ZSCAN20: variants seen among roughly 807,000 people sequenced by gnomAD.
The protein encoded by ZSCAN20 is zinc finger and SCAN domain containing 20.
A neutral mutation model predicts 97.1 loss-of-function variants in ZSCAN20; 39 were observed. The observed-to-expected ratio is 0.40, with a 90% CI of 0.31 to 0.52. The LOEUF is 0.52. ZSCAN20 is among the 20% of genes least tolerant of loss of function. The pLI is 0.49. For missense variants in ZSCAN20, 1,115 were observed against 1,290.4 expected, an observed-to-expected ratio of 0.86 and a Z score of 2.08; for synonymous variants, 456 against 467.3, an observed-to-expected ratio of 0.98 and a Z score of 0.31.
chr1:33,479,507 G>A lies in ZSCAN20; in HGVS notation c.219G>A (p.Trp73Ter), dbSNP rs1206837292. 1 of 1,613,382 alleles carries A rather than the reference G, an allele frequency of 6.2e-7. No individual in the cohort carries two copies. The highest frequency in any genetic ancestry group is 8.5e-7 in the Non-Finnish European group (1 of 1,179,582). ...CCCACGAGGCCTTCAGCCAGCTCTG[G>A]GCTCTCTGCTGTCGTTGGCTGAGGC... ...AGPHEAFSQL[W>*]ALCCRWLRPE... Residue 73 changes from tryptophan to a stop codon, truncating the protein, a stop_gained, in exon 2 of 8, where the codon TGG becomes TGA. Transcript: ENST00000684572. LOFTEE classifies it high-confidence loss of function.
In ZSCAN20 at chr1:33,479,645, T is replaced by C. The variant is rs181007238; in HGVS notation, c.357T>C (p.Gly119=). The change falls in exon 2 of 8, where the codon GGT becomes GGC. Residue 119 remains glycine, a synonymous_variant. Transcript: ENST00000684572. ...TGCAGGCACGCCACCCTGAGAGTGG[T>C]GAGGAGGCTGTGGCCTTGGTGGAGG... ...TWVQARHPES[G]EEAVALVEDW... 6.2e-7 allele frequency: 1 copy of C among 1,605,250 alleles called. No individual in the cohort carries two copies. The highest frequency in any genetic ancestry group is 2.2e-5 in the East Asian group (1 of 44,804).
In ZSCAN20 at chr1:33,493,209, G is replaced by A. The variant is rs759730932; in HGVS notation, c.1467G>A (p.Glu489=). The A allele has an allele frequency of 6.2e-7, 1 of 1,613,964 alleles. No homozygotes were observed. Among genetic ancestry groups the A allele is most frequent in the Admixed American group, 1.7e-5 (1 of 60,002 alleles). ...SRIAGVHWGY[E]ETKAFLAILS... is the part of the protein sequence containing the mutation. ...CAGCAGGTGTGCACTGGGGCTATGA[G>A]GAGACCAAGGCCTTCCTGGCAATTC... The change falls in exon 7 of 8, where the codon GAG becomes GAA. Residue 489 remains glutamate (E), a synonymous_variant. Coordinates refer to ENST00000684572, the MANE Select transcript of ZSCAN20 (RefSeq NM_001377376.1). The surrounding 1 kb of genome is among the most constrained non-coding windows in gnomAD (Gnocchi z 4.3).
At chr1:33,492,808 A>G (rs1652678460) in intron 6 of ZSCAN20, among the ~76,000 whole-genome samples, 1 of 151,734 alleles carries the variant, frequency 6.6e-6, no homozygotes, top group Non-Finnish European at 1.5e-5. Flanking sequence ...GAGAATTTAT[A>G]AAATAAATAG....
rs559907394 is a variant in ZSCAN20, at chr1:33,495,229, T to G, written c.2885T>G (p.Leu962Arg). The G allele has an allele frequency of 1.2e-6, 2 of 1,613,418 alleles. No homozygotes were observed. The highest frequency in any genetic ancestry group is 1.1e-5 in the South Asian group (1 of 91,010). Residue 962 changes from leucine (L) to arginine (R), a missense_variant, in exon 8 of 8, where the codon CTT becomes CGT. Physicochemically the swap from Leu to Arg is moderately radical, Grantham distance 102. Coordinates refer to ENST00000684572, the MANE Select transcript of ZSCAN20 (RefSeq NM_001377376.1). ...ACAGGAGAGAAGCCCTACAAATGCC[T>G]TGAGTGTGGAAAATTCTTCCGTGAC... ...VHTGEKPYKC[L>R]ECGKFFRDRS...
chr1:33,481,881 G>A (rs1023570621), intron 2 of ZSCAN20, among the ~76,000 whole-genome samples: 1 of 152,052 alleles, frequency 6.6e-6, no homozygotes, highest in Non-Finnish European at 1.5e-5. Flanking sequence ...TAAAAAACAG[G>A]CTTTATTTTT....
chr1:33,495,352 T>G lies in ZSCAN20; in HGVS notation c.3008T>G (p.Ile1003Ser), dbSNP rs1465923376. The G allele has an allele frequency of 9.3e-6, 15 of 1,612,838 alleles. No individual in the cohort carries two copies. The highest frequency in any genetic ancestry group is 1.2e-5 in the Non-Finnish European group (14 of 1,179,344). ...TGCTTTAACCAGAGCTCCAGTCTTA[T>G]TATTCACCAGAGAATCCACACAGGG... ...GKCFNQSSSL[I>S]IHQRIHTGEK... Residue 1003 changes from isoleucine (I) to serine (S), a missense_variant, in exon 8 of 8, where the codon ATT becomes AGT. This residue lies in a region of ZSCAN20 where 554 missense variants were observed against 584.9 expected (regional missense o/e 0.95). Transcript: ENST00000684572.
At position 33,478,973 on chromosome 1, in the gene ZSCAN20, C is replaced by A. The variant is rs147572514; in HGVS notation, c.-110-206C>A. ...TGGTCTAAGCTTTTTATATATAGATCCCTCATCTAATCAACCCAGCAGTCA... is the reference window on the plus strand; with the variant it reads ...TGGTCTAAGCTTTTTATATATAGATACCTCATCTAATCAACCCAGCAGTCA... On this transcript the variant is annotated intron_variant, in intron 1 of 7. Transcript: ENST00000684572. Among the ~76,000 whole-genome samples, 550 of 152,204 alleles carry A rather than the reference C, an allele frequency of 3.6e-3. 7 individuals are homozygous for A. Among genetic ancestry groups the A allele is most frequent in the African/African-American group, 0.013 (525 of 41,520 alleles).
At chr1:33,475,193 G>A (rs958923847) in intron 1 of ZSCAN20, among the ~76,000 whole-genome samples, 1 of 152,206 alleles carries the variant, frequency 6.6e-6, no homozygotes, top group African/African-American at 2.4e-5. Context: ...GGAGAAAAGG[G>A]ATCTCGGCTT....
rs1012596853 is a variant in ZSCAN20 at position 33,496,322 on chromosome 1, C to A, written c.*846C>A. 3.9e-5 allele frequency: 6 copies of A among 152,254 alleles called. No homozygotes were observed. Among genetic ancestry groups the A allele is most frequent in the South Asian group, 2.1e-4 (1 of 4,822 alleles). The allele number at this position is 152,254 out of a possible 1,614,324, so 9.4% of individuals were successfully genotyped here. A position where few individuals can be genotyped will look rare whatever the true frequency, so the allele number is the denominator to read the frequency against. On this transcript the variant is annotated 3_prime_UTR_variant, in exon 8 of 8. Transcript: ENST00000684572. ...GACCACATTTCCTGTTATGAAATTT[C>A]CACATTTTGAATTTTTTAAACAAAT... is the stretch of plus-strand genomic sequence containing the variant.
At chr1:33,483,528 T>C (rs1490576241) in intron 2 of ZSCAN20, among the ~76,000 whole-genome samples, 1 of 151,812 alleles carries the variant, frequency 6.6e-6, no homozygotes, top group African/African-American at 2.4e-5. Context: ...TTATTCCAGG[T>C]CTTTGCTTCT....
At chr1:33,479,778 T>G in intron 2 of ZSCAN20, 73 bp downstream of exon 2, 1 of 1,371,508 alleles carries the variant, frequency 7.3e-7, no homozygotes, top group Non-Finnish European at 9.7e-7. Context: ...CGTTAATAAT[T>G]GCCAAATTCA....
Position 33,493,729 on chromosome 1 carries a change from G to A in ZSCAN20, c.1873+114G>A. On this transcript the variant is annotated intron_variant, in intron 7 of 7. Coordinates refer to ENST00000684572, the MANE Select transcript of ZSCAN20 (RefSeq NM_001377376.1). This position sits in a 1 kb window ranked among gnomAD's most constrained non-coding sequence, Gnocchi z 4.3. ...TAAAAGAGAGAATGGGATTGAATGG[G>A]AAAAAGTATTTCTGCTTTGCTCAGA... 1.7e-6 allele frequency: 2 copies of A among 1,189,082 alleles called. No individual in the cohort carries two copies. The highest frequency in any genetic ancestry group is 2.3e-6 in the Non-Finnish European group (2 of 858,690). 73.7% of individuals were successfully genotyped at this position (1,189,082 alleles called of 1,614,324 possible).
rs527427594 is a variant in ZSCAN20, at chr1:33,484,024, C to T, written c.417+4319C>T. Among the ~76,000 whole-genome samples the T allele has an allele frequency of 5.3e-5, 8 of 152,230 alleles. No individual in the cohort carries two copies. The South Asian group carries it at 1.0e-3, about 20-fold the overall frequency. ...TGTTCATTGTTGGTATATAGGAAGG[C>T]GATTGACTTTTGCATATTTGCATAT... On this transcript the variant is annotated intron_variant, in intron 2 of 7. Transcript: ENST00000684572.
At position 33,493,169 on chromosome 1, in the gene ZSCAN20, A is replaced by T. The variant is rs1468820632; in HGVS notation, c.1445-18A>T. 5 of 1,608,960 alleles carry T rather than the reference A, an allele frequency of 3.1e-6. No homozygotes were observed. The highest frequency in any genetic ancestry group is 4.3e-6 in the Non-Finnish European group (5 of 1,176,350). On this transcript the variant is annotated intron_variant, in intron 6 of 7. Coordinates refer to ENST00000684572, the MANE Select transcript of ZSCAN20 (RefSeq NM_001377376.1). This position sits in a 1 kb window ranked among gnomAD's most constrained non-coding sequence, Gnocchi z 4.3. ...ATCTCATTAAGTCTCACAGTTCTCA[A>T]CTCTTCACTCCTGACAGCAGGTGTG...
At position 33,499,108 on chromosome 1, in the gene ZSCAN20, G is replaced by T. The variant is rs1652974448; in HGVS notation, c.*3632G>T. On this transcript the variant is annotated 3_prime_UTR_variant, in exon 8 of 8. Transcript: ENST00000684572. Reference sequence around the variant, plus strand: ...CCGTCCTGCCTCATCTTGTTCTGGGGCCCCCAGTGGGGATAGCTCTCTGCT... The same window carrying T: ...CCGTCCTGCCTCATCTTGTTCTGGGTCCCCCAGTGGGGATAGCTCTCTGCT... Among the ~76,000 whole-genome samples, 1 of 152,204 alleles carries T rather than the reference G, an allele frequency of 6.6e-6. No homozygotes were observed. Among genetic ancestry groups the T allele is most frequent in the Non-Finnish European group, 1.5e-5 (1 of 68,040 alleles).
chr1:33,479,669 G>A lies in ZSCAN20; in HGVS notation c.381G>A (p.Glu127=). 1.3e-6 allele frequency: 2 copies of A among 1,590,584 alleles called. No individual in the cohort carries two copies. The highest frequency in any genetic ancestry group is 1.7e-6 in the Non-Finnish European group (2 of 1,171,066). ...GTGAGGAGGCTGTGGCCTTGGTGGA[G>A]GATTGGCACCGAGAGACCAGGACTG... is the stretch of plus-strand genomic sequence containing the variant. ...ESGEEAVALV[E]DWHRETRTAG... The change falls in exon 2 of 8, where the codon GAG becomes GAA. Residue 127 remains glutamate, a synonymous_variant. Coordinates refer to ENST00000684572, the MANE Select transcript of ZSCAN20 (RefSeq NM_001377376.1).
intron 2 of ZSCAN20, among the ~76,000 whole-genome samples, chr1:33,480,346 A>G (rs956727451): frequency 6.6e-6 from 1 of 152,158 alleles, no homozygotes; most frequent in African/African-American, 2.4e-5. Context: ...CTGTCTCTAC[A>G]AAAAATACAA....
rs1557445694 is a variant in ZSCAN20, at chr1:33,493,722, T to C, written c.1873+107T>C. ...TCTTAACTAAAAGAGAGAATGGGAT[T>C]GAATGGGAAAAAGTATTTCTGCTTT... On this transcript the variant is annotated intron_variant, in intron 7 of 7. Coordinates refer to ENST00000684572, the MANE Select transcript of ZSCAN20 (RefSeq NM_001377376.1). This position sits in a 1 kb window ranked among gnomAD's most constrained non-coding sequence, Gnocchi z 4.3. The C allele has an allele frequency of 2.4e-6, 3 of 1,244,502 alleles. No individual in the cohort carries two copies. The highest frequency in any genetic ancestry group is 3.0e-5 in the African/African-American group (2 of 66,924). The allele number at this position is 1,244,502 out of a possible 1,614,324, so 77.1% of individuals were successfully genotyped here.
At position 33,500,036 on chromosome 1, in the gene ZSCAN20, C is replaced by G. The variant is rs1653011417; in HGVS notation, c.*4560C>G. Among the ~76,000 whole-genome samples the G allele has an allele frequency of 6.6e-6, 1 of 152,116 alleles. No individual in the cohort carries two copies. Among genetic ancestry groups the G allele is most frequent in the South Asian group, 2.1e-4 (1 of 4,826 alleles). On this transcript the variant is annotated 3_prime_UTR_variant, in exon 8 of 8. Transcript: ENST00000684572. ...CAGGAGAGGAGGGAGTTGAAATGGG[C>G]CTGGAGGCCTGGGATGGTAGACACT...
Sources: gnomAD v4.1 joint callset for allele counts (sites outside exome capture counted in the v4.1 genomes callset) on GRCh38, gnomAD v4.1.1 for gene constraint, gnomAD v4.1.1 regional missense constraint, Gnocchi (gnomAD v3.1) non-coding constraint, MANE v1.5 for transcripts, NCBI Gene and HGNC (gene_info 2026-07-23, HGNC 2026-07-21) for gene names.